Variants in MAP7 observed in about 807,000 individuals in gnomAD.
MAP7 encodes the protein ensconsin.
A neutral mutation model predicts 94.8 loss-of-function variants in MAP7; 52 were observed. That is an observed-to-expected ratio of 0.55 (90% CI 0.44 to 0.69). MAP7 has a LOEUF of 0.69. Among genes scored for constraint, MAP7 ranks in the 30% least tolerant of loss-of-function variants. The pLI is 0.00. For missense variants in MAP7, 940 were observed against 964.6 expected, an observed-to-expected ratio of 0.97 and a Z score of 0.34; for synonymous variants, 350 against 357.0, an observed-to-expected ratio of 0.98 and a Z score of 0.22.
chr6:136,419,078 G>A, intron 2 of MAP7, among the ~76,000 whole-genome samples: 1 of 152,170 alleles, frequency 6.6e-6, no homozygotes. Flanking sequence ...CAATAAGGGT[G>A]GAAGAGATTT....
chr6:136,417,110 C>A (rs1158556310), intron 2 of MAP7, among the ~76,000 whole-genome samples: 1 of 152,134 alleles, frequency 6.6e-6, no homozygotes, highest in Non-Finnish European at 1.5e-5. Flanking sequence ...CGGAGTGAGA[C>A]CCTGTCTTGA....
intron 10 of MAP7, among the ~76,000 whole-genome samples, chr6:136,365,481 A>G (rs1794030551): frequency 6.6e-6 from 1 of 152,220 alleles, no homozygotes; most frequent in South Asian, 2.1e-4. Flanking sequence ...AGGCTACGCC[A>G]GGGGTCCTTA....
chr6:136,543,373 G>T (rs1829480065), intron 1 of MAP7, among the ~76,000 whole-genome samples: 1 of 152,218 alleles, frequency 6.6e-6, no homozygotes, highest in Non-Finnish European at 1.5e-5. Context: ...GTGGGGCTGG[G>T]TGCAGCGGCT....
At chr6:136,405,491 T>G (rs532420602) in intron 3 of MAP7, among the ~76,000 whole-genome samples, 2 of 152,176 alleles carry the variant, frequency 1.3e-5, no homozygotes, top group Non-Finnish European at 2.9e-5. Flanking sequence ...GGCTGTAGTG[T>G]TTAAGAAACA....
chr6:136,536,450 T>C (rs1828896816), intron 1 of MAP7, among the ~76,000 whole-genome samples: 1 of 152,194 alleles, frequency 6.6e-6, no homozygotes. Flanking sequence ...GGAAGGATTA[T>C]AATGACAAAG....
At chr6:136,541,580 C>T (rs569386327) in intron 1 of MAP7, among the ~76,000 whole-genome samples, 2 of 152,298 alleles carry the variant, frequency 1.3e-5, no homozygotes, top group East Asian at 3.9e-4. Context: ...CTGCTCCCAG[C>T]CTCCTCCCTG....
intron 1 of MAP7, among the ~76,000 whole-genome samples, chr6:136,503,823 G>A (rs1215493729): frequency 3.3e-5 from 5 of 152,176 alleles, no homozygotes; most frequent in Admixed American, 2.0e-4. Context: ...AAACTATTTC[G>A]GAAGGCAATT....
intron 1 of MAP7, among the ~76,000 whole-genome samples, chr6:136,438,861 T>A (rs572755845): frequency 4.6e-5 from 7 of 152,168 alleles, no homozygotes; most frequent in African/African-American, 1.2e-4. Context: ...CCAGCTTAAT[T>A]AAAAGGTATA....
intron 1 of MAP7, among the ~76,000 whole-genome samples, chr6:136,516,620 A>G (rs906459448): frequency 5.3e-5 from 8 of 152,182 alleles, no homozygotes; most frequent in Non-Finnish European, 1.2e-4. Context: ...TATATGTTCA[A>G]TTATAGCCGC....
chr6:136,402,210 A>G (rs1323603344), intron 3 of MAP7, among the ~76,000 whole-genome samples: 1 of 152,164 alleles, frequency 6.6e-6, no homozygotes, highest in African/African-American at 2.4e-5. Context: ...CCCTCATAGC[A>G]CTTACACTCC....
chr6:136,550,211 G>C lies in MAP7; in HGVS notation c.67+131C>G. 1.5e-6 allele frequency: 1 copy of C among 681,324 alleles called. No homozygotes were observed. Among genetic ancestry groups the C allele is most frequent in the South Asian group, 5.0e-5 (1 of 19,960 alleles). 42.2% of individuals were successfully genotyped at this position (681,324 alleles called of 1,614,324 possible). On this transcript the variant is annotated intron_variant, in intron 1 of 17. Transcript: ENST00000354570. The surrounding 1 kb of genome is among the most constrained non-coding windows in gnomAD (Gnocchi z 5.1). ...AGCAGGGTGCGCGGCGCGCAGGGCC[G>C]GTTGTTCCGGGCCGCGGCCGCGCGG...
At chr6:136,536,879 T>C (rs757999754) in intron 1 of MAP7, among the ~76,000 whole-genome samples, 9 of 152,256 alleles carry the variant, frequency 5.9e-5, no homozygotes, top group African/African-American at 9.6e-5. Context: ...AAATCAGCTT[T>C]GCACATTGTA....
chr6:136,373,780 G>C (rs572228752), intron 7 of MAP7, among the ~76,000 whole-genome samples: 1 of 152,188 alleles, frequency 6.6e-6, no homozygotes, highest in Non-Finnish European at 1.5e-5. Context: ...AATGTAAGAG[G>C]ATTAATAACT....
At chr6:136,503,248 T>C (rs761057946) in intron 1 of MAP7, among the ~76,000 whole-genome samples, 4 of 152,230 alleles carry the variant, frequency 2.6e-5, no homozygotes, top group African/African-American at 4.8e-5. Context: ...TAACTTTTTA[T>C]GTACTTTGCT....
chr6:136,534,072 T>C (rs1330564603), intron 1 of MAP7, among the ~76,000 whole-genome samples: 1 of 152,236 alleles, frequency 6.6e-6, no homozygotes, highest in Non-Finnish European at 1.5e-5. Flanking sequence ...ATAAAGCGAT[T>C]TGTATGATTC....
At chr6:136,422,084 C>T (rs1348919942) in intron 1 of MAP7, among the ~76,000 whole-genome samples, 2 of 152,210 alleles carry the variant, frequency 1.3e-5, no homozygotes, top group Admixed American at 6.5e-5. Flanking sequence ...AAAGCAACCA[C>T]GTGGAAGCAC....
At chr6:136,525,189 C>A (rs1193347724) in intron 1 of MAP7, among the ~76,000 whole-genome samples, 1 of 152,166 alleles carries the variant, frequency 6.6e-6, no homozygotes, top group Non-Finnish European at 1.5e-5. Flanking sequence ...GTCAGACTTC[C>A]CTTTTCTGTA....
intron 1 of MAP7, among the ~76,000 whole-genome samples, chr6:136,494,327 A>G (rs1817575346): frequency 6.6e-6 from 1 of 152,216 alleles, no homozygotes; most frequent in Non-Finnish European, 1.5e-5. Context: ...CAGTTGTAAC[A>G]TTGAGTCTTT....
rs1786946058 is a variant in MAP7, at chr6:136,343,469, T to G, written c.*759A>C. The G allele has an allele frequency of 6.5e-6, 1 of 152,692 alleles. No homozygotes were observed. The highest frequency in any genetic ancestry group is 1.5e-5 in the Non-Finnish European group (1 of 68,042). 9.5% of individuals were successfully genotyped at this position (152,692 alleles called of 1,614,324 possible). On this transcript the variant is annotated 3_prime_UTR_variant, in exon 18 of 18. Coordinates refer to ENST00000354570, the MANE Select transcript of MAP7 (RefSeq NM_003980.6). ...TCTATCGTGGTAACATCAGAAGGAA[T>G]GCAGCTAACAAATTAAATTTGTAAT... is the stretch of plus-strand genomic sequence containing the variant.
Sources: gnomAD v4.1 joint callset for allele counts (sites outside exome capture counted in the v4.1 genomes callset) on GRCh38, gnomAD v4.1.1 for gene constraint, Gnocchi (gnomAD v3.1) non-coding constraint, MANE v1.5 for transcripts, NCBI Gene and HGNC (gene_info 2026-07-23, HGNC 2026-07-21) for gene names.